Variants in RIT2 observed in about 807,000 individuals in gnomAD.
The protein encoded by RIT2 is Ras like without CAAX 2, also known as GTP-binding protein Rit2.
A neutral mutation model predicts 23.7 loss-of-function variants in RIT2; 24 were observed. The ratio of observed to expected loss-of-function variants is 1.01; its 90% confidence interval spans 0.73 to 1.43. The LOEUF (loss-of-function observed/expected upper bound fraction) is 1.43. RIT2 is among the 40% of genes most tolerant of loss of function. The pLI is 0.00. For missense variants in RIT2, 236 were observed against 266.9 expected, an observed-to-expected ratio of 0.88 and a Z score of 0.81; for synonymous variants, 107 against 91.1, an observed-to-expected ratio of 1.17 and a Z score of -0.99.
chr18:42,887,910 A>G (rs1229726299), intron 4 of RIT2, among the ~76,000 whole-genome samples: 1 of 152,174 alleles, frequency 6.6e-6, no homozygotes, highest in African/African-American at 2.4e-5. Flanking sequence ...CCATTCTGAA[A>G]AGGCTACACA....
intron 4 of RIT2, among the ~76,000 whole-genome samples, chr18:42,858,671 A>C (rs1398864073): frequency 6.6e-6 from 1 of 152,210 alleles, no homozygotes; most frequent in Non-Finnish European, 1.5e-5. Context: ...TCGCATTCAA[A>C]AGAAACTTCA....
intron 4 of RIT2, among the ~76,000 whole-genome samples, chr18:42,889,471 T>C (rs2144091343): frequency 6.6e-6 from 1 of 152,206 alleles, no homozygotes; most frequent in African/African-American, 2.4e-5. Context: ...AGAATTACCA[T>C]TGACTATTCA....
chr18:42,865,307 T>C (rs1907440644), intron 4 of RIT2, among the ~76,000 whole-genome samples: 2 of 152,170 alleles, frequency 1.3e-5, no homozygotes, highest in South Asian at 4.1e-4. Flanking sequence ...GGACCTGATG[T>C]GGAGTCCCTG....
intron 3 of RIT2, among the ~76,000 whole-genome samples, chr18:42,925,808 A>T (rs1909165060): frequency 1.3e-5 from 2 of 151,600 alleles, no homozygotes; most frequent in South Asian, 4.2e-4. Context: ...ATCATTCTAA[A>T]CTCAATGGGA....
chr18:42,881,248 C>T (rs1440916466), intron 4 of RIT2, among the ~76,000 whole-genome samples: 2 of 152,204 alleles, frequency 1.3e-5, no homozygotes, highest in African/African-American at 4.8e-5. Flanking sequence ...ATCTTGTTGT[C>T]ACTTGTTTTC....
chr18:42,830,092 C>T (rs1384192214), intron 4 of RIT2, among the ~76,000 whole-genome samples: 1 of 152,138 alleles, frequency 6.6e-6, no homozygotes, highest in African/African-American at 2.4e-5. Context: ...TTGCAGCTGT[C>T]CAGTTGTTTT....
chr18:42,793,816 T>C lies in RIT2; in HGVS notation c.427-50096A>G, dbSNP rs79009726. Among the ~76,000 whole-genome samples, 6 of 152,330 alleles carry C rather than the reference T, an allele frequency of 3.9e-5. No homozygotes were observed. The East Asian group carries it at 1.2e-3, about 29-fold the overall frequency. On this transcript the variant is annotated intron_variant, in intron 4 of 4. Coordinates refer to ENST00000326695, the MANE Select transcript of RIT2 (RefSeq NM_002930.4). ...GTCAAATACTATTTTTGAATCATGA[T>C]TAATTTTTACTCCTCTACTCCTGTT...
chr18:43,053,580 G>A (rs1321484623), intron 1 of RIT2, among the ~76,000 whole-genome samples: 1 of 152,004 alleles, frequency 6.6e-6, no homozygotes, highest in African/African-American at 2.4e-5. Context: ...TTATTATGCT[G>A]TCTGGAGAGC....
At chr18:42,910,148 C>T (rs1908729419) in intron 4 of RIT2, among the ~76,000 whole-genome samples, 1 of 152,016 alleles carries the variant, frequency 6.6e-6, no homozygotes, top group African/African-American at 2.4e-5. Flanking sequence ...TTCAAGTTAT[C>T]CACAGTTAGG....
intron 2 of RIT2, among the ~76,000 whole-genome samples, chr18:42,993,249 T>G (rs1910897790): frequency 6.6e-6 from 1 of 152,202 alleles, no homozygotes; most frequent in Admixed American, 6.5e-5. Flanking sequence ...AAAGTTGGAC[T>G]GTTCAACTCA....
rs1409689557 is a variant in RIT2, at chr18:42,809,840, GTA to G, written c.427-66122_427-66121del. The stretch of plus-strand genomic sequence containing the variant: ...TATATATATAATATATATATAATTT[GTA>G]TATATGTTATATATATTATATATAA... On this transcript the variant is annotated intron_variant, in intron 4 of 4. Coordinates refer to ENST00000326695, the MANE Select transcript of RIT2 (RefSeq NM_002930.4). 1.2e-4 allele frequency among the ~76,000 whole-genome samples: 13 copies of G among 112,786 alleles called. No homozygotes were observed. The East Asian group carries it at 1.2e-3, about 11-fold the overall frequency. 74.0% of individuals were successfully genotyped at this position (112,786 alleles called of 152,430 possible).
At chr18:42,992,724 A>C (rs1910883185) in intron 2 of RIT2, among the ~76,000 whole-genome samples, 1 of 152,126 alleles carries the variant, frequency 6.6e-6, no homozygotes, top group South Asian at 2.1e-4. Context: ...GGTATAGTCA[A>C]GGTTAATGCT....
chr18:43,016,689 T>G (rs1337550570), intron 2 of RIT2, among the ~76,000 whole-genome samples: 1 of 151,902 alleles, frequency 6.6e-6, no homozygotes, highest in Non-Finnish European at 1.5e-5. Flanking sequence ...GGGACTATCT[T>G]TAATCAGAGA....
At chr18:43,098,635 C>G (rs1040389080) in intron 1 of RIT2, among the ~76,000 whole-genome samples, 19 of 151,890 alleles carry the variant, frequency 1.3e-4, no homozygotes, top group African/African-American at 4.3e-4. Flanking sequence ...ACCACGACAA[C>G]AATAACTAGT....
At chr18:42,945,099 A>C (rs1909695984) in intron 3 of RIT2, among the ~76,000 whole-genome samples, 1 of 152,110 alleles carries the variant, frequency 6.6e-6, no homozygotes, top group African/African-American at 2.4e-5. Flanking sequence ...TTTACTTAAA[A>C]TTACATTAAT....
At chr18:42,988,686 A>G (rs1054838850) in intron 2 of RIT2, among the ~76,000 whole-genome samples, 1 of 152,208 alleles carries the variant, frequency 6.6e-6, no homozygotes, top group African/African-American at 2.4e-5. Context: ...CAAACACCTT[A>G]CCCTGAAATT....
At chr18:42,942,319 A>G (rs1325786903) in intron 3 of RIT2, among the ~76,000 whole-genome samples, 4 of 152,130 alleles carry the variant, frequency 2.6e-5, no homozygotes, top group Non-Finnish European at 5.9e-5. Context: ...GAAGGCTTGC[A>G]TGTACCTTCA....
rs538038952 is a variant in RIT2 at position 43,024,997 on chromosome 18, C to T, written c.160+8814G>A. Reference sequence around the variant, plus strand: ...CCAAGGCAGACAGATCACTTGAGGTCGGGAGTTCAAAACTAGTCTGGCCAA... The same window carrying T: ...CCAAGGCAGACAGATCACTTGAGGTTGGGAGTTCAAAACTAGTCTGGCCAA... On this transcript the variant is annotated intron_variant, in intron 2 of 4. Transcript: ENST00000326695. Among the ~76,000 whole-genome samples, 30 of 151,914 alleles carry T rather than the reference C, an allele frequency of 2.0e-4. No individual in the cohort carries two copies. In the South Asian group the frequency reaches 3.5e-3, roughly 18 times the overall value.
chr18:43,114,994 C>A (rs551677906), intron 1 of RIT2, among the ~76,000 whole-genome samples: 1 of 152,242 alleles, frequency 6.6e-6, no homozygotes, highest in African/African-American at 2.4e-5. Flanking sequence ...AATCAACACC[C>A]ATCATCCCGA....
Sources: allele counts gnomAD v4.1 joint callset (sites outside exome capture counted in the v4.1 genomes callset), GRCh38; gene constraint gnomAD v4.1.1; transcripts MANE v1.5; gene names NCBI Gene and HGNC (gene_info 2026-07-23, HGNC 2026-07-21).